Variants in TMPRSS3 observed in about 807,000 individuals in gnomAD.
The protein encoded by TMPRSS3 is transmembrane serine protease 3, also known as transmembrane protease serine 3.
A neutral mutation model predicts 59.6 loss-of-function variants in TMPRSS3; 55 were observed. The observed-to-expected ratio is 0.92, with a 90% CI of 0.74 to 1.16. The LOEUF is 1.16. Among genes scored for constraint, TMPRSS3 ranks in the 50% most tolerant of loss-of-function variants. TMPRSS3 has a pLI of 0.00. For synonymous variants in TMPRSS3, 257 were observed against 237.7 expected (o/e 1.08, Z -0.75); for missense variants, 596 against 579.4 (o/e 1.03, Z -0.29).
intron 6 of TMPRSS3, among the ~76,000 whole-genome samples, chr21:42,384,285 G>A (rs187424784): frequency 6.6e-6 from 1 of 152,296 alleles, no homozygotes; most frequent in East Asian, 1.9e-4. Context: ...GATAAAGGAT[G>A]TGTAAGGAGA....
intron 7 of TMPRSS3, 174 bp from the exon 8 acceptor site, chr21:42,383,372 G>C (rs1428875354): frequency 1.4e-6 from 1 of 692,292 alleles, no homozygotes; most frequent in East Asian, 2.7e-5. Flanking sequence ...AGGTGGTCAG[G>C]CTCTTGGGGA....
At position 42,390,002 on chromosome 21, in the gene TMPRSS3, G is replaced by C; in HGVS notation, c.130C>G (p.Leu44Val). 18 of 1,614,172 alleles carry C rather than the reference G, an allele frequency of 1.1e-5. No homozygotes were observed. The highest frequency in any genetic ancestry group is 1.5e-5 in the Non-Finnish European group (18 of 1,179,982). The change falls in exon 3 of 13, where the codon CTG becomes GTG. Residue 44 changes from leucine (L) to valine (V), a missense_variant. Physicochemically the swap from Leu to Val is conservative, Grantham distance 32. Coordinates refer to ENST00000644384, the MANE Select transcript of TMPRSS3 (RefSeq NM_001256317.3). ...DAVAAQILSLLPLKFFPIIVI... is the reference protein window; with the variant it reads ...DAVAAQILSLVPLKFFPIIVI... ...ATGATTGGAAAAAACTTCAATGGCAGCAGTGACAGGATCTGTGCAGCAACA... is the reference window on the plus strand; with the variant it reads ...ATGATTGGAAAAAACTTCAATGGCACCAGTGACAGGATCTGTGCAGCAACA...
chr21:42,373,250 G>A (rs1042310120), intron 12 of TMPRSS3, among the ~76,000 whole-genome samples: 1 of 152,228 alleles, frequency 6.6e-6, no homozygotes, highest in Non-Finnish European at 1.5e-5. Context: ...CGCACAGCGG[G>A]CCTGCTGGAA....
chr21:42,379,291 G>A (rs2052479785), intron 10 of TMPRSS3, among the ~76,000 whole-genome samples: 1 of 148,010 alleles, frequency 6.8e-6, no homozygotes, highest in Admixed American at 6.7e-5. Flanking sequence ...GCCTCCCAAA[G>A]TGCTGGGATT....
intron 2 of TMPRSS3, chr21:42,390,245 C>A: frequency 3.4e-6 from 2 of 586,456 alleles, no homozygotes; most frequent in South Asian, 3.8e-5. Context: ...CCCGGTTATT[C>A]CATGGGGGAT....
chr21:42,382,159 C>T lies in TMPRSS3; in HGVS notation c.858G>A (p.Leu286=). Residue 286 remains leucine, a synonymous_variant, in exon 9 of 13, where the codon TTG becomes TTA. Transcript: ENST00000644384. The stretch of plus-strand genomic sequence containing the variant: ...TGCTGTGGTAGACAATCTTCTCCAC[C>T]AAGTGGGATGGGGCTGGATTGTCCA... ...SLLDNPAPSH[L]VEKIVYHSKY... is the part of the protein sequence containing the mutation. 6.2e-7 allele frequency: 1 copy of T among 1,614,182 alleles called. No homozygotes were observed.
Position 42,372,130 on chromosome 21 carries a change from T to G in TMPRSS3, c.*632A>C, listed in dbSNP as rs1279772758. 1 of 454,254 alleles carries G rather than the reference T, an allele frequency of 2.2e-6. No individual in the cohort carries two copies. The highest frequency in any genetic ancestry group is 2.3e-5 in the Admixed American group (1 of 42,580). 28.1% of individuals were successfully genotyped at this position (454,254 alleles called of 1,614,324 possible). On this transcript the variant is annotated 3_prime_UTR_variant, in exon 13 of 13. Transcript: ENST00000644384. Reference sequence around the variant, plus strand: ...TGCGTCTTTTCTGAGTGGCTGTTGGTGGCTTTGCACGTGAGGTCACATAAC... The same window carrying G: ...TGCGTCTTTTCTGAGTGGCTGTTGGGGGCTTTGCACGTGAGGTCACATAAC...
At chr21:42,376,296 C>T (rs1474682079) in intron 11 of TMPRSS3, among the ~76,000 whole-genome samples, 1 of 152,204 alleles carries the variant, frequency 6.6e-6, no homozygotes, top group African/African-American at 2.4e-5. Flanking sequence ...CCTGTGGTCC[C>T]CCACAAAGTC....
chr21:42,376,472 G>T (rs1385792981), intron 11 of TMPRSS3, 69 bp downstream of exon 11: 1 of 1,602,318 alleles, frequency 6.2e-7, no homozygotes, highest in Non-Finnish European at 8.5e-7. Flanking sequence ...ACAGGGAAAC[G>T]CTGGCAACGA....
chr21:42,380,137 C>T lies in TMPRSS3; in HGVS notation c.1028G>A (p.Trp343Ter), dbSNP rs540715620. Residue 343 changes from tryptophan (W) to a stop codon, truncating the protein, a stop_gained, in exon 10 of 13, where the codon TGG becomes TAG. Transcript: ENST00000644384. LOFTEE classifies it high-confidence loss of function. ...PDGKVCWTSG[W>*]GATEDGGDAS... ...CTGACCTCCATCCTCTGTGGCCCCC[C>T]ATCCTGACGTCCAGCACACTTTTCC... 15 of 1,614,044 alleles carry T rather than the reference C, an allele frequency of 9.3e-6. No homozygotes were observed. The highest frequency in any genetic ancestry group is 1.7e-5 in the Admixed American group (1 of 60,000).
In TMPRSS3 at chr21:42,395,985, A is replaced by C; in HGVS notation, c.-95T>G. Reference sequence around the variant, plus strand: ...AAATGTAGATGGCACCACGGAAGAGATAGTAGGCCACAGTGTTACTGGCTT... The same window carrying C: ...AAATGTAGATGGCACCACGGAAGAGCTAGTAGGCCACAGTGTTACTGGCTT... On this transcript the variant is annotated 5_prime_UTR_variant, in exon 1 of 13. Coordinates refer to ENST00000644384, the MANE Select transcript of TMPRSS3 (RefSeq NM_001256317.3). 1.9e-6 allele frequency: 1 copy of C among 518,988 alleles called. No homozygotes were observed. The highest frequency in any genetic ancestry group is 1.4e-5 in the South Asian group (1 of 71,584). 32.1% of individuals were successfully genotyped at this position (518,988 alleles called of 1,614,324 possible).
chr21:42,395,542 G>C (rs975784268), intron 1 of TMPRSS3, 74 bp from the exon 2 acceptor site: 1 of 867,698 alleles, frequency 1.2e-6, no homozygotes, highest in Non-Finnish European at 1.9e-6. Context: ...TTGGTCATAC[G>C]GTAAATCTTT....
In TMPRSS3 at chr21:42,396,032, T is replaced by G. The variant is rs754542420; in HGVS notation, c.-142A>C. The G allele has an allele frequency of 7.7e-6, 4 of 518,906 alleles. No individual in the cohort carries two copies. In the East Asian group the frequency reaches 2.2e-4, roughly 28 times the overall value. 32.1% of individuals were successfully genotyped at this position (518,906 alleles called of 1,614,324 possible). A position where few individuals can be genotyped will look rare whatever the true frequency, so the allele number is the denominator to read the frequency against. ...GCTTCCCATAAACACAGCCCTTTCC[T>G]GGCTCACACGGGCATGACCTAATTA... On this transcript the variant is annotated 5_prime_UTR_variant, in exon 1 of 13. Transcript: ENST00000644384.
intron 7 of TMPRSS3, 105 bp downstream of exon 7, chr21:42,383,865 G>A (rs2052579366): frequency 1.6e-6 from 2 of 1,248,584 alleles, no homozygotes; most frequent in Non-Finnish European, 2.3e-6. Context: ...GCACCCAGGA[G>A]GAAGGGATAC....
At chr21:42,381,781 G>C (rs1210184263) in intron 9 of TMPRSS3, 2 of 564,874 alleles carry the variant, frequency 3.5e-6, no homozygotes, top group Non-Finnish European at 6.4e-6. Context: ...CATTTAAACA[G>C]GGTAACATTG....
intron 9 of TMPRSS3, 190 bp downstream of exon 9, chr21:42,381,875 C>T (rs1051248411): frequency 1.3e-6 from 1 of 771,962 alleles, no homozygotes; most frequent in Admixed American, 2.0e-5. Flanking sequence ...ATACCAAGAG[C>T]TAGGAGCATC....
rs766728427 is a variant in TMPRSS3 at position 42,389,059 on chromosome 21, G to A, written c.206-14C>T. The A allele has an allele frequency of 1.2e-5, 20 of 1,613,786 alleles. No individual in the cohort carries two copies. The highest frequency in any genetic ancestry group is 1.6e-5 in the Non-Finnish European group (19 of 1,179,980). On this transcript the variant is annotated splice_polypyrimidine_tract_variant and intron_variant, in intron 3 of 12. Coordinates refer to ENST00000644384, the MANE Select transcript of TMPRSS3 (RefSeq NM_001256317.3). ...AGTCGAAGTGGACTGGGAAAAGGGA[G>A]GAAGGCAGGAATTAACCAACAGCTC... is the stretch of plus-strand genomic sequence containing the variant.
At chr21:42,387,980 G>A (rs975992689) in intron 5 of TMPRSS3, among the ~76,000 whole-genome samples, 1 of 152,208 alleles carries the variant, frequency 6.6e-6, no homozygotes, top group East Asian at 1.9e-4. Flanking sequence ...TTCAACAATT[G>A]GTTCTGTGGG....
At chr21:42,376,759 AG>A (rs2146423925) in intron 10 of TMPRSS3, 76 bp from the exon 11 acceptor site, 8 of 1,604,668 alleles carry the variant, frequency 5.0e-6, no homozygotes, top group Non-Finnish European at 6.0e-6. Context: ...TGCTGAGACC[AG>A]GGGGGTGAGG....
Sources: allele counts gnomAD v4.1 joint callset (sites outside exome capture counted in the v4.1 genomes callset), GRCh38; gene constraint gnomAD v4.1.1; transcripts MANE v1.5; gene names NCBI Gene and HGNC (gene_info 2026-07-23, HGNC 2026-07-21).